The following SNTG2 variants were observed in gnomAD, a reference collection of about 807,000 sequenced individuals.
SNTG2 encodes the protein syntrophin gamma 2.
SNTG2 carries 74 observed loss-of-function variants against 70.9 expected under a neutral mutation model. The ratio of observed to expected loss-of-function variants is 1.04; its 90% confidence interval spans 0.86 to 1.27. SNTG2 has a LOEUF of 1.27. Among genes scored for constraint, SNTG2 ranks in the 50% most tolerant of loss-of-function variants. The pLI, the probability that SNTG2 is intolerant of heterozygous loss-of-function variation, is 0.00. For synonymous variants in SNTG2, 278 were observed against 273.8 expected, an observed-to-expected ratio of 1.02 and a Z score of -0.15; for missense variants, 717 against 690.7, an observed-to-expected ratio of 1.04 and a Z score of -0.43.
chr2:1,020,934 A>G (rs1346756356), intron 1 of SNTG2, among the ~76,000 whole-genome samples: 2 of 152,218 alleles, frequency 1.3e-5, no homozygotes, highest in Non-Finnish European at 2.9e-5. Context: ...TTCTGAGTCA[A>G]TTATTTCATT....
chr2:964,108 G>A (rs1037250945), intron 1 of SNTG2, among the ~76,000 whole-genome samples: 5 of 152,192 alleles, frequency 3.3e-5, no homozygotes, highest in African/African-American at 1.2e-4. Flanking sequence ...CACCAGTGTT[G>A]CTTGTGAAAT....
intron 16 of SNTG2, among the ~76,000 whole-genome samples, chr2:1,324,178 A>G (rs938370627): frequency 6.6e-6 from 1 of 152,208 alleles, no homozygotes; most frequent in Non-Finnish European, 1.5e-5. Context: ...TAACAGTCAC[A>G]TGGCGGAGAC....
intron 2 of SNTG2, among the ~76,000 whole-genome samples, chr2:1,084,232 C>A (rs890807180): frequency 2.6e-5 from 4 of 152,076 alleles, no homozygotes; most frequent in African/African-American, 9.7e-5. Flanking sequence ...CTGTCCTTTA[C>A]CTTGGAAATA....
At chr2:1,308,024 G>A (rs758735756) in intron 14 of SNTG2, among the ~76,000 whole-genome samples, 3 of 152,184 alleles carry the variant, frequency 2.0e-5, no homozygotes, top group East Asian at 1.9e-4. Context: ...GCTTGGTGGC[G>A]GTGTAAATTG....
chr2:1,222,003 C>T (rs797042692), intron 9 of SNTG2, among the ~76,000 whole-genome samples: 1 of 79,026 alleles, frequency 1.3e-5, no homozygotes, highest in Non-Finnish European at 2.8e-5. Flanking sequence ...CTGTCTCTGT[C>T]TCTCTCTGTC....
At chr2:1,034,399 G>A (rs897774678) in intron 1 of SNTG2, among the ~76,000 whole-genome samples, 3 of 152,260 alleles carry the variant, frequency 2.0e-5, no homozygotes, top group Middle Eastern at 3.4e-3. Flanking sequence ...ATTGTGAATA[G>A]CGCTGCATTG....
chr2:1,318,291 T>C (rs1189844612), intron 16 of SNTG2, among the ~76,000 whole-genome samples: 1 of 152,256 alleles, frequency 6.6e-6, no homozygotes, highest in Middle Eastern at 3.2e-3. Context: ...GCACACATTT[T>C]TTTCTCTGAT....
rs116797012 is a variant in SNTG2 at position 1,200,707 on chromosome 2, G to A, written c.592-8396G>A. On this transcript the variant is annotated intron_variant, in intron 8 of 16. Transcript: ENST00000308624. ...AACAAACTAATCCTATTAATACTGG[G>A]CAAAGTATCTGAATAGAAAATTCTC... Among the ~76,000 whole-genome samples, 1,508 of 152,004 alleles carry A rather than the reference G, an allele frequency of 9.9e-3. 21 individuals carry two copies. The highest frequency in any genetic ancestry group is 0.035 in the African/African-American group (1,443 of 41,514).
intron 8 of SNTG2, among the ~76,000 whole-genome samples, chr2:1,176,901 C>G (rs917144678): frequency 6.6e-6 from 1 of 152,122 alleles, no homozygotes; most frequent in South Asian, 2.1e-4. Flanking sequence ...ATTCATTCAA[C>G]CATTGTGGAA....
chr2:1,052,143 G>T (rs1218823128), intron 1 of SNTG2, among the ~76,000 whole-genome samples: 2 of 152,020 alleles, frequency 1.3e-5, no homozygotes, highest in Admixed American at 1.3e-4. Flanking sequence ...TAGGTTGGTT[G>T]TATAAATGAG....
chr2:1,106,004 C>T (rs1339829534), intron 4 of SNTG2, among the ~76,000 whole-genome samples: 4 of 151,932 alleles, frequency 2.6e-5, no homozygotes. Context: ...GTATGGAGAG[C>T]TCCTTGGTAA....
At chr2:1,060,586 A>G (rs1662755655) in intron 1 of SNTG2, among the ~76,000 whole-genome samples, 1 of 152,220 alleles carries the variant, frequency 6.6e-6, no homozygotes, top group African/African-American at 2.4e-5. Flanking sequence ...CATCTGGAAG[A>G]GTGACAGGTG....
At chr2:1,140,457 C>T (rs974271841) in intron 6 of SNTG2, among the ~76,000 whole-genome samples, 4 of 152,180 alleles carry the variant, frequency 2.6e-5, no homozygotes, top group Admixed American at 6.5e-5. Context: ...GACATCCCTG[C>T]GCAGACACAG....
intron 1 of SNTG2, among the ~76,000 whole-genome samples, chr2:1,062,550 A>G (rs1480379879): frequency 6.6e-6 from 1 of 152,226 alleles, no homozygotes; most frequent in African/African-American, 2.4e-5. Flanking sequence ...AAAAAAGAAA[A>G]ATAAGAGATG....
intron 6 of SNTG2, among the ~76,000 whole-genome samples, chr2:1,138,309 G>A (rs1334004376): frequency 6.6e-6 from 1 of 152,182 alleles, no homozygotes; most frequent in Non-Finnish European, 1.5e-5. Context: ...AGATGGTGGG[G>A]GTCAGGATGC....
At chr2:1,044,067 G>A (rs1392744917) in intron 1 of SNTG2, among the ~76,000 whole-genome samples, 1 of 151,978 alleles carries the variant, frequency 6.6e-6, no homozygotes, top group African/African-American at 2.4e-5. Flanking sequence ...ATTTGTTTGG[G>A]TCATCTCTCA....
At chr2:1,202,447 G>T (rs890114004) in intron 8 of SNTG2, among the ~76,000 whole-genome samples, 1 of 149,120 alleles carries the variant, frequency 6.7e-6, no homozygotes, top group Non-Finnish European at 1.5e-5. Context: ...AGTCAATGAG[G>T]AGATAAAAGA....
At chr2:1,204,708 A>G (rs976191592) in intron 8 of SNTG2, among the ~76,000 whole-genome samples, 1 of 152,200 alleles carries the variant, frequency 6.6e-6, no homozygotes, top group East Asian at 1.9e-4. Flanking sequence ...CCTCTATTGT[A>G]TTAGCAGTTG....
At chr2:1,329,723 G>A (rs544473157) in intron 16 of SNTG2, among the ~76,000 whole-genome samples, 8 of 152,196 alleles carry the variant, frequency 5.3e-5, no homozygotes, top group Non-Finnish European at 1.0e-4. Context: ...GAAGAAACCA[G>A]CAGAAGTTTA....
Sources: allele counts gnomAD v4.1 joint callset (sites outside exome capture counted in the v4.1 genomes callset), GRCh38; gene constraint gnomAD v4.1.1; transcripts MANE v1.5; gene names NCBI Gene and HGNC (gene_info 2026-07-23, HGNC 2026-07-21).